The following ABTB2 variants were observed in gnomAD, a reference collection of about 807,000 sequenced individuals.
The protein encoded by ABTB2 is ankyrin repeat and BTB domain containing 2.
In ABTB2, 56 loss-of-function variants were observed where a neutral mutation model predicts 104.1. The observed-to-expected ratio is 0.54, with a 90% CI of 0.43 to 0.67. The LOEUF is 0.67. Ranked by LOEUF, ABTB2 falls within the 30% of genes least tolerant of loss-of-function variation. The pLI, the probability that ABTB2 is intolerant of heterozygous loss-of-function variation, is 0.00. For missense variants in ABTB2, 1,279 were observed against 1,407.7 expected (o/e 0.91, Z 1.46); for synonymous variants, 606 against 608.2 (o/e 1.00, Z 0.05).
chr11:34,233,664 T>C (rs925758379), intron 1 of ABTB2, among the ~76,000 whole-genome samples: 3 of 151,844 alleles, frequency 2.0e-5, no homozygotes, highest in Admixed American at 2.0e-4. Context: ...TTTTTTTTTT[T>C]TATTATAAAG....
At chr11:34,231,355 G>A (rs1255985222) in intron 1 of ABTB2, among the ~76,000 whole-genome samples, 1 of 152,112 alleles carries the variant, frequency 6.6e-6, no homozygotes, top group East Asian at 1.9e-4. Flanking sequence ...TGCATTAATA[G>A]ATACCACCCT....
intron 1 of ABTB2, among the ~76,000 whole-genome samples, chr11:34,222,576 G>C (rs1447042314): frequency 6.6e-6 from 1 of 152,018 alleles, no homozygotes; most frequent in East Asian, 1.9e-4. Flanking sequence ...GCACCCTCCA[G>C]CTTAATCTTA....
intron 1 of ABTB2, among the ~76,000 whole-genome samples, chr11:34,315,558 G>A (rs551823295): frequency 6.6e-6 from 1 of 152,232 alleles, no homozygotes; most frequent in East Asian, 1.9e-4. Flanking sequence ...GATGTGTTCT[G>A]GGTTCCCATT....
chr11:34,349,002 A>G (rs10734425), intron 1 of ABTB2, among the ~76,000 whole-genome samples: 90,527 of 152,078 alleles, frequency 0.6, 29,419 homozygotes, highest in East Asian at 0.89. Flanking sequence ...TGATGCCGGC[A>G]TGGCATTCCT....
chr11:34,250,988 G>A (rs1854049005), intron 1 of ABTB2, among the ~76,000 whole-genome samples: 1 of 152,220 alleles, frequency 6.6e-6, no homozygotes, highest in Admixed American at 6.5e-5. Flanking sequence ...AGGTCTGTCT[G>A]CCATCAAACA....
At chr11:34,353,744 T>C (rs771134115) in intron 1 of ABTB2, among the ~76,000 whole-genome samples, 5 of 152,210 alleles carry the variant, frequency 3.3e-5, no homozygotes, top group Non-Finnish European at 7.3e-5. Context: ...AAAAGCCCTA[T>C]ATAGCTGAGT....
chr11:34,226,995 G>A (rs1232223546), intron 1 of ABTB2, among the ~76,000 whole-genome samples: 3 of 152,050 alleles, frequency 2.0e-5, no homozygotes, highest in Non-Finnish European at 4.4e-5. Context: ...CCAGGAGGCG[G>A]AAGTTGCAGT....
chr11:34,183,432 C>G (rs575134974), intron 3 of ABTB2, among the ~76,000 whole-genome samples: 1 of 152,194 alleles, frequency 6.6e-6, no homozygotes, highest in Non-Finnish European at 1.5e-5. Flanking sequence ...AGAGAGCTAC[C>G]GCCAGCACTG....
intron 1 of ABTB2, among the ~76,000 whole-genome samples, chr11:34,318,658 G>A (rs1342453854): frequency 6.6e-6 from 1 of 152,198 alleles, no homozygotes; most frequent in South Asian, 2.1e-4. Context: ...TTGAAAGAAG[G>A]TGGTTTTACT....
chr11:34,254,321 C>T (rs537022421), intron 1 of ABTB2, among the ~76,000 whole-genome samples: 1 of 152,214 alleles, frequency 6.6e-6, no homozygotes, highest in South Asian at 2.1e-4. Context: ...GATCACAGCT[C>T]ACTGCAGCCT....
At chr11:34,309,907 C>G (rs2133104309) in intron 1 of ABTB2, among the ~76,000 whole-genome samples, 1 of 152,082 alleles carries the variant, frequency 6.6e-6, no homozygotes, top group South Asian at 2.1e-4. Context: ...AATAAATATT[C>G]ACTTTTATAT....
rs1852549256 is a variant in ABTB2 at position 34,152,090 on chromosome 11, C to G, written c.*297G>C. On this transcript the variant is annotated 3_prime_UTR_variant, in exon 17 of 17. Transcript: ENST00000435224. ...AGGTGGATCAGGATCAGCTGCTGAC[C>G]TGCAGGAGGGGAGAGCGACACCCCG... 2.4e-6 allele frequency: 1 copy of G among 413,064 alleles called. No individual in the cohort carries two copies. 25.6% of individuals were successfully genotyped at this position (413,064 alleles called of 1,614,324 possible). A position where few individuals can be genotyped will look rare whatever the true frequency, so the allele number is the denominator to read the frequency against.
chr11:34,264,745 G>A (rs753191439), intron 1 of ABTB2, among the ~76,000 whole-genome samples: 23 of 152,286 alleles, frequency 1.5e-4, no homozygotes, highest in African/African-American at 2.2e-4. Context: ...TGTTCGAAGC[G>A]TGTCCCACAG....
At chr11:34,273,841 T>A (rs542320584) in intron 1 of ABTB2, among the ~76,000 whole-genome samples, 4 of 152,200 alleles carry the variant, frequency 2.6e-5, no homozygotes, top group African/African-American at 9.6e-5. Flanking sequence ...TTATAACAAG[T>A]GAGACCCTGC....
chr11:34,208,584 C>G (rs1297533741), intron 1 of ABTB2, among the ~76,000 whole-genome samples: 1 of 152,152 alleles, frequency 6.6e-6, no homozygotes, highest in African/African-American at 2.4e-5. Context: ...CAACATTTCT[C>G]AATCTCTACA....
chr11:34,197,555 A>T lies in ABTB2; in HGVS notation c.1031-17T>A. 6.7e-7 allele frequency: 1 copy of T among 1,487,496 alleles called. No individual in the cohort carries two copies. The highest frequency in any genetic ancestry group is 9.1e-7 in the Non-Finnish European group (1 of 1,098,276). 92.1% of individuals were successfully genotyped at this position (1,487,496 alleles called of 1,614,324 possible). A position where few individuals can be genotyped will look rare whatever the true frequency, so the allele number is the denominator to read the frequency against. ...CCAAGTCACCTGGTGGGGGGCGGGG[A>T]GGGCAGAGGGGAGGAAGAGAAAAAA... On this transcript the variant is annotated splice_polypyrimidine_tract_variant and intron_variant, in intron 2 of 16. Transcript: ENST00000435224.
intron 1 of ABTB2, among the ~76,000 whole-genome samples, chr11:34,326,744 T>C (rs1381183645): frequency 6.6e-6 from 1 of 151,296 alleles, no homozygotes; most frequent in Non-Finnish European, 1.5e-5. Context: ...TCCAAATACA[T>C]AAACAATTAG....
chr11:34,335,517 G>A, intron 1 of ABTB2: 1 of 1,064,988 alleles, frequency 9.4e-7, no homozygotes, highest in Non-Finnish European at 1.4e-6. Flanking sequence ...TGGAAACAGT[G>A]ATTCAAAATC....
intron 1 of ABTB2, among the ~76,000 whole-genome samples, chr11:34,314,489 G>A (rs1045474205): frequency 6.6e-6 from 1 of 152,230 alleles, no homozygotes; most frequent in Admixed American, 6.5e-5. Flanking sequence ...ATAGATGTGT[G>A]TGTTTTAAGG....
Sources: gnomAD v4.1 joint callset for allele counts (sites outside exome capture counted in the v4.1 genomes callset) on GRCh38, gnomAD v4.1.1 for gene constraint, MANE v1.5 for transcripts, NCBI Gene and HGNC (gene_info 2026-07-23, HGNC 2026-07-21) for gene names.